GABRA2: variants seen among roughly 807,000 people sequenced by gnomAD.
The protein encoded by GABRA2 is gamma-aminobutyric acid type A receptor subunit alpha2, also known as gamma-aminobutyric acid receptor subunit alpha-2.
Under a neutral mutation model 48.7 loss-of-function variants are expected in GABRA2, and 16 were observed. That is an observed-to-expected ratio of 0.33 (90% CI 0.22 to 0.50). The LOEUF is 0.50. Ranked by LOEUF, GABRA2 falls within the 20% of genes least tolerant of loss-of-function variation. GABRA2 has a pLI of 0.98. For missense variants in GABRA2, 275 were observed against 535.6 expected, an observed-to-expected ratio of 0.51 and a Z score of 4.80; for synonymous variants, 185 against 184.5, an observed-to-expected ratio of 1.00 and a Z score of -0.02.
chr4:46,361,625 C>T (rs1033429325), intron 3 of GABRA2, among the ~76,000 whole-genome samples: 9 of 152,106 alleles, frequency 5.9e-5, no homozygotes, highest in East Asian at 1.9e-4. Context: ...CTAGTGGAGC[C>T]GTGAGAAGAG....
At position 46,310,155 on chromosome 4, in the gene GABRA2, C is replaced by A. The variant is rs1338686613; in HGVS notation, c.559+18G>T. The A allele has an allele frequency of 1.9e-6, 3 of 1,595,952 alleles. No homozygotes were observed. The highest frequency in any genetic ancestry group is 4.5e-5 in the East Asian group (2 of 44,742). On this transcript the variant is annotated intron_variant, in intron 6 of 9. Transcript: ENST00000381620. ...GATATTATTGACCCAAAACATGTAACTTCATCCCTGTACTTACAGCTGCCA... is the reference window on the plus strand; with the variant it reads ...GATATTATTGACCCAAAACATGTAAATTCATCCCTGTACTTACAGCTGCCA...
chr4:46,259,544 C>T (rs1716534330), intron 9 of GABRA2, among the ~76,000 whole-genome samples: 1 of 151,810 alleles, frequency 6.6e-6, no homozygotes, highest in African/African-American at 2.4e-5. Context: ...CGAGTGTGCA[C>T]ATGTAAACAG....
intron 4 of GABRA2, among the ~76,000 whole-genome samples, chr4:46,314,390 G>A (rs555314193): frequency 1.7e-4 from 26 of 152,114 alleles, no homozygotes; most frequent in African/African-American, 6.3e-4. Context: ...TCATTTTCTG[G>A]AGGTCAATCA....
intron 3 of GABRA2, among the ~76,000 whole-genome samples, chr4:46,347,754 A>G: frequency 6.6e-6 from 1 of 151,966 alleles, no homozygotes; most frequent in Non-Finnish European, 1.5e-5. Context: ...GAATTGTATC[A>G]GACTAAAAAA....
chr4:46,309,450 A>G (rs1727262106), intron 6 of GABRA2, among the ~76,000 whole-genome samples: 1 of 152,138 alleles, frequency 6.6e-6, no homozygotes, highest in African/African-American at 2.4e-5. Context: ...GGACACCCTC[A>G]CACAAGAGGG....
chr4:46,301,796 A>G (rs1394177383), intron 8 of GABRA2, among the ~76,000 whole-genome samples: 1 of 152,160 alleles, frequency 6.6e-6, no homozygotes, highest in Admixed American at 6.5e-5. Flanking sequence ...ATACCAAGTA[A>G]TTGAATTCAC....
intron 8 of GABRA2, among the ~76,000 whole-genome samples, chr4:46,266,687 A>C (rs1199588837): frequency 6.8e-6 from 1 of 147,528 alleles, no homozygotes; most frequent in African/African-American, 2.5e-5. Flanking sequence ...CAAGTTTGAA[A>C]GGTTTTAGCC....
intron 8 of GABRA2, among the ~76,000 whole-genome samples, chr4:46,262,719 G>A (rs1717226351): frequency 6.6e-6 from 1 of 151,982 alleles, no homozygotes; most frequent in South Asian, 2.1e-4. Context: ...CCAAGATGGT[G>A]AAACCCCATC....
At chr4:46,329,541 T>C (rs1232903848) in intron 4 of GABRA2, among the ~76,000 whole-genome samples, 1 of 152,086 alleles carries the variant, frequency 6.6e-6, no homozygotes, top group Non-Finnish European at 1.5e-5. Context: ...AATTCACAGG[T>C]CTTAGAGGGA....
chr4:46,311,812 A>G (rs987905697), intron 5 of GABRA2, among the ~76,000 whole-genome samples: 1 of 152,168 alleles, frequency 6.6e-6, no homozygotes, highest in African/African-American at 2.4e-5. Context: ...TAAGATATTA[A>G]ATTAGGCTGA....
rs1560482683 is a variant in GABRA2, at chr4:46,289,912, T to TTTTA, written c.856+13547_856+13548insTAAA. On this transcript the variant is annotated intron_variant, in intron 8 of 9. Coordinates refer to ENST00000381620, the MANE Select transcript of GABRA2 (RefSeq NM_000807.4). ...ATTTATTTATTTATTTATTTATTTT[T>TTTTA]ATTTTTTTTTTTTTTTTGAGACTGA... 2.9e-3 allele frequency among the ~76,000 whole-genome samples: 413 copies of TTTTA among 143,818 alleles called. 2 individuals are homozygous for TTTTA. The highest frequency in any genetic ancestry group is 9.6e-3 in the African/African-American group (367 of 38,032). The allele number at this position is 143,818 out of a possible 152,430, so 94.4% of individuals were successfully genotyped here. A position where few individuals can be genotyped will look rare whatever the true frequency, so the allele number is the denominator to read the frequency against.
intron 8 of GABRA2, among the ~76,000 whole-genome samples, chr4:46,287,170 T>A (rs1722711341): frequency 6.6e-6 from 1 of 152,186 alleles, no homozygotes; most frequent in African/African-American, 2.4e-5. Flanking sequence ...TCTTTTGAAT[T>A]TGGCAGTTAT....
chr4:46,306,780 A>G (rs1726773004), intron 6 of GABRA2, among the ~76,000 whole-genome samples: 1 of 152,152 alleles, frequency 6.6e-6, no homozygotes, highest in Admixed American at 6.5e-5. Flanking sequence ...ATTCTCTGCA[A>G]TCTATAACTT....
chr4:46,307,097 T>TTA lies in GABRA2; in HGVS notation c.560-1388_560-1387dup, dbSNP rs748280830. ...GGATTCTAAAAATGTATATGTATAT[T>TTA]TATATATATGTATATACTTTTAATA... On this transcript the variant is annotated intron_variant, in intron 6 of 9. Transcript: ENST00000381620. Among the ~76,000 whole-genome samples, 38 of 152,156 alleles carry TTA rather than the reference T, an allele frequency of 2.5e-4. No individual in the cohort carries two copies. The East Asian group carries it at 6.6e-3, about 26-fold the overall frequency.
chr4:46,333,724 A>T (rs1271912353), intron 3 of GABRA2, among the ~76,000 whole-genome samples: 1 of 152,088 alleles, frequency 6.6e-6, no homozygotes, highest in African/African-American at 2.4e-5. Flanking sequence ...GAAATATTAT[A>T]ATCTGCATGT....
At chr4:46,268,864 A>T (rs962613227) in intron 8 of GABRA2, among the ~76,000 whole-genome samples, 3 of 151,944 alleles carry the variant, frequency 2.0e-5, no homozygotes, top group African/African-American at 7.2e-5. Flanking sequence ...TCCTCAAAAA[A>T]AGAAGAAATT....
At chr4:46,358,148 T>C (rs939649857) in intron 3 of GABRA2, among the ~76,000 whole-genome samples, 1 of 152,166 alleles carries the variant, frequency 6.6e-6, no homozygotes, top group East Asian at 1.9e-4. Context: ...CTTTGCTTCA[T>C]TGAGGGAAGG....
intron 3 of GABRA2, among the ~76,000 whole-genome samples, chr4:46,381,095 A>G (rs1043309583): frequency 6.6e-6 from 1 of 152,172 alleles, no homozygotes; most frequent in African/African-American, 2.4e-5. Flanking sequence ...ATGGTGCTCA[A>G]TCTAGATTTT....
intron 4 of GABRA2, among the ~76,000 whole-genome samples, chr4:46,316,556 T>A (rs1181737240): frequency 2.6e-5 from 4 of 152,006 alleles, no homozygotes; most frequent in Non-Finnish European, 5.9e-5. Flanking sequence ...AATAACAAGA[T>A]ATTTTTAAAT....
Sources: allele counts gnomAD v4.1 joint callset (sites outside exome capture counted in the v4.1 genomes callset), GRCh38; gene constraint gnomAD v4.1.1; transcripts MANE v1.5; gene names NCBI Gene and HGNC (gene_info 2026-07-23, HGNC 2026-07-21).